WWOX: variants seen among roughly 807,000 people sequenced by gnomAD.
The protein encoded by WWOX is WW domain-containing oxidoreductase.
In WWOX, 69 loss-of-function variants were observed where a neutral mutation model predicts 46.2. The ratio of observed to expected loss-of-function variants is 1.49; its 90% CI spans 1.23 to 1.82. WWOX has a LOEUF of 1.82. Ranked by LOEUF, WWOX falls within the 40% of genes most tolerant of loss-of-function variation. WWOX has a pLI of 0.00. For synonymous variants in WWOX, 359 were observed against 202.6 expected, an observed-to-expected ratio of 1.77 and a Z score of -6.56; for missense variants, 919 against 542.6, an observed-to-expected ratio of 1.69 and a Z score of -6.89.
chr16:78,262,332 T>A (rs2079263650), intron 5 of WWOX, among the ~76,000 whole-genome samples: 3 of 152,176 alleles, frequency 2.0e-5, no homozygotes, highest in Admixed American at 6.5e-5. Flanking sequence ...TATAAAGTAT[T>A]CTGCTATTCT....
intron 8 of WWOX, among the ~76,000 whole-genome samples, chr16:79,025,484 T>A (rs2047619658): frequency 6.6e-6 from 1 of 151,974 alleles, no homozygotes; most frequent in Non-Finnish European, 1.5e-5. Context: ...GAGAAGGCGG[T>A]GTGAAGGTAG....
At chr16:78,781,593 C>T (rs575292356) in intron 8 of WWOX, among the ~76,000 whole-genome samples, 1 of 152,178 alleles carries the variant, frequency 6.6e-6, no homozygotes, top group Non-Finnish European at 1.5e-5. Context: ...CCCCCACCCC[C>T]ACTTTATCCA....
chr16:79,207,828 T>C (rs1021538464), intron 8 of WWOX, among the ~76,000 whole-genome samples: 5 of 152,170 alleles, frequency 3.3e-5, no homozygotes, highest in African/African-American at 9.6e-5. Context: ...CAGAAACCTC[T>C]GTACCCTTTC....
At chr16:78,675,436 T>C (rs551030059) in intron 8 of WWOX, among the ~76,000 whole-genome samples, 1 of 152,360 alleles carries the variant, frequency 6.6e-6, no homozygotes, top group East Asian at 1.9e-4. Flanking sequence ...ATCTAATTTA[T>C]TGGTTATTTA....
At chr16:78,239,953 C>G (rs1269645429) in intron 5 of WWOX, among the ~76,000 whole-genome samples, 1 of 151,996 alleles carries the variant, frequency 6.6e-6, no homozygotes, top group East Asian at 1.9e-4. Context: ...TGCTCCGGTT[C>G]TAAGCCAGTT....
intron 5 of WWOX, among the ~76,000 whole-genome samples, chr16:78,329,043 G>A (rs879819661): frequency 1.3e-5 from 2 of 151,586 alleles, no homozygotes; most frequent in Admixed American, 6.6e-5. Context: ...CTTTTTTTTC[G>A]TAGGACGAGG....
In WWOX at chr16:78,264,403, A is replaced by G. The variant is rs556477708; in HGVS notation, c.516+100114A>G. 5.9e-5 allele frequency: 9 copies of G among 152,194 alleles called. No individual in the cohort carries two copies. In the East Asian group the frequency reaches 1.7e-3, roughly 30 times the overall value. The allele number at this position is 152,194 out of a possible 1,614,324, so 9.4% of individuals were successfully genotyped here. The stretch of plus-strand genomic sequence containing the variant: ...CCCCACCGCCAGCCCTGCTTAAATT[A>G]TCCCCTCTTTTTAAACAAAATATCC... On this transcript the variant is annotated intron_variant, in intron 5 of 8. Transcript: ENST00000566780.
At chr16:79,044,446 G>C (rs1335685068) in intron 8 of WWOX, among the ~76,000 whole-genome samples, 1 of 152,162 alleles carries the variant, frequency 6.6e-6, no homozygotes, top group Non-Finnish European at 1.5e-5. Flanking sequence ...TGAGTGAGTT[G>C]TTGGGGGAGC....
intron 8 of WWOX, among the ~76,000 whole-genome samples, chr16:79,160,003 C>T (rs377033094): frequency 4.9e-4 from 75 of 152,260 alleles, no homozygotes; most frequent in African/African-American, 1.4e-3. Flanking sequence ...GACTTTGACC[C>T]GTCATTATTT....
At position 78,998,788 on chromosome 16, in the gene WWOX, G is replaced by T. The variant is rs62038696; in HGVS notation, c.1057-212820G>T. On this transcript the variant is annotated intron_variant, in intron 8 of 8. Transcript: ENST00000566780. ...ATTGAATGACTTCTTGAAAGTGCCA[G>T]TCTGATCCTTGACCTTCAGGTGCAT... Among the ~76,000 whole-genome samples the T allele has an allele frequency of 3.7e-3, 560 of 152,368 alleles. 7 individuals carry two copies. The highest frequency in any genetic ancestry group is 5.3e-3 in the Non-Finnish European group (360 of 68,038).
At chr16:79,047,862 A>G (rs1482917995) in intron 8 of WWOX, among the ~76,000 whole-genome samples, 2 of 151,784 alleles carry the variant, frequency 1.3e-5, no homozygotes, top group Admixed American at 1.3e-4. Context: ...GAAAGAAAGA[A>G]ATCTGACAAC....
intron 8 of WWOX, among the ~76,000 whole-genome samples, chr16:79,170,421 T>C (rs1192815092): frequency 1.3e-5 from 2 of 152,206 alleles, no homozygotes; most frequent in African/African-American, 2.4e-5. Context: ...CATTTTCTTA[T>C]AGGGAGCATC....
chr16:78,728,968 T>G (rs1168104267), intron 8 of WWOX, among the ~76,000 whole-genome samples: 3 of 152,218 alleles, frequency 2.0e-5, no homozygotes, highest in Non-Finnish European at 4.4e-5. Flanking sequence ...ATTTCCTAAG[T>G]GAGAAACGTT....
intron 8 of WWOX, among the ~76,000 whole-genome samples, chr16:79,167,646 C>G (rs370003478): frequency 6.6e-6 from 1 of 152,316 alleles, no homozygotes; most frequent in South Asian, 2.1e-4. Flanking sequence ...TTATCCAAGT[C>G]AAATAAGACA....
chr16:78,620,442 A>C (rs779271048), intron 8 of WWOX, among the ~76,000 whole-genome samples: 1 of 152,192 alleles, frequency 6.6e-6, no homozygotes, highest in Non-Finnish European at 1.5e-5. Flanking sequence ...GGGACATTCA[A>C]GGCCGAAACT....
chr16:78,812,717 C>T (rs149377326), intron 8 of WWOX, among the ~76,000 whole-genome samples: 4 of 151,022 alleles, frequency 2.6e-5, no homozygotes, highest in African/African-American at 9.9e-5. Context: ...CAGAATGAGA[C>T]TCCATCCTCC....
chr16:78,838,852 GAA>G (rs1404359191), intron 8 of WWOX, among the ~76,000 whole-genome samples: 1 of 152,070 alleles, frequency 6.6e-6, no homozygotes, highest in Non-Finnish European at 1.5e-5. Context: ...CAAAAGAGAA[GAA>G]AAGAGAAGAA....
rs560676987 is a variant in WWOX, at chr16:78,260,584, C to G, written c.516+96295C>G. On this transcript the variant is annotated intron_variant, in intron 5 of 8. Transcript: ENST00000566780. ...TTGGGAGGCTGAGGCAGGAGAATCA[C>G]TTGAACCTGGGAGGTGGAGGTTGCA... is the stretch of plus-strand genomic sequence containing the variant. 1.3e-5 allele frequency among the ~76,000 whole-genome samples: 2 copies of G among 151,360 alleles called. 1 individual carries two copies. The highest frequency in any genetic ancestry group is 4.9e-5 in the African/African-American group (2 of 41,086).
chr16:78,998,761 C>T (rs1263657440), intron 8 of WWOX, among the ~76,000 whole-genome samples: 2 of 152,204 alleles, frequency 1.3e-5, no homozygotes, highest in Non-Finnish European at 1.5e-5. Context: ...AGCGTTGCTT[C>T]TATTGAATGA....
Sources: allele counts gnomAD v4.1 joint callset (sites outside exome capture counted in the v4.1 genomes callset), GRCh38; gene constraint gnomAD v4.1.1; transcripts MANE v1.5; gene names NCBI Gene and HGNC (gene_info 2026-07-23, HGNC 2026-07-21).